The following ADGRV1 variants were observed in gnomAD, a reference collection of about 807,000 sequenced individuals.
The protein encoded by ADGRV1 is G-protein coupled receptor 98.
Under a neutral mutation model 596.2 loss-of-function variants are expected in ADGRV1, and 359 were observed. That is an observed-to-expected ratio of 0.60 (90% CI 0.55 to 0.66). The LOEUF is 0.66. ADGRV1 is among the 30% of genes least tolerant of loss of function. The pLI is 0.00. For missense variants in ADGRV1, 7,274 were observed against 7,575.6 expected (o/e 0.96, Z 1.48); for synonymous variants, 2,681 against 2,679.2 (o/e 1.00, Z -0.02).
chr5:91,126,970 G>A (rs911497446), intron 87 of ADGRV1, among the ~76,000 whole-genome samples: 2 of 152,152 alleles, frequency 1.3e-5, no homozygotes, highest in African/African-American at 4.8e-5. Flanking sequence ...AGAACAGCCA[G>A]GTGTCTGTTC....
At chr5:91,086,383 T>A (rs193176790) in intron 86 of ADGRV1, among the ~76,000 whole-genome samples, 64 of 152,318 alleles carry the variant, frequency 4.2e-4, no homozygotes, top group African/African-American at 1.4e-3. Context: ...TGCTCTGATC[T>A]CAGTGTTATT....
Position 91,163,946 on chromosome 5 carries a change from G to C in ADGRV1, c.*46G>C. On this transcript the variant is annotated 3_prime_UTR_variant, in exon 90 of 90. Transcript: ENST00000405460. ...TGAGCACACTTTCATATTTGTATCA[G>C]CTTTTGTGCTAAAACTCTCTAAGTA... is the stretch of plus-strand genomic sequence containing the variant. 1.1e-6 allele frequency: 1 copy of C among 910,400 alleles called. No homozygotes were observed. The highest frequency in any genetic ancestry group is 1.8e-6 in the Non-Finnish European group (1 of 557,982). The allele number at this position is 910,400 out of a possible 1,614,324, so 56.4% of individuals were successfully genotyped here.
intron 85 of ADGRV1, among the ~76,000 whole-genome samples, chr5:91,041,079 C>A (rs1785301527): frequency 6.6e-6 from 1 of 152,160 alleles, no homozygotes; most frequent in African/African-American, 2.4e-5. Flanking sequence ...GACAGTGTGG[C>A]AATTCCTCAA....
intron 1 of ADGRV1, among the ~76,000 whole-genome samples, chr5:90,575,208 T>C (rs1757043546): frequency 6.6e-6 from 1 of 152,112 alleles, no homozygotes; most frequent in African/African-American, 2.4e-5. Flanking sequence ...TTTCTAACTT[T>C]TTTTTTACTT....
intron 34 of ADGRV1, among the ~76,000 whole-genome samples, chr5:90,703,318 T>C (rs1353909454): frequency 1.3e-5 from 2 of 152,126 alleles, no homozygotes; most frequent in Non-Finnish European, 1.5e-5. Flanking sequence ...AATTTACTTG[T>C]GTTACTATCA....
At chr5:91,101,803 ACG>A (rs1791403877) in intron 86 of ADGRV1, among the ~76,000 whole-genome samples, 1 of 151,772 alleles carries the variant, frequency 6.6e-6, no homozygotes, top group Non-Finnish European at 1.5e-5. Flanking sequence ...ACACACACAC[ACG>A]CACACACGCA....
At chr5:90,843,449 T>C (rs1765605442) in intron 78 of ADGRV1, among the ~76,000 whole-genome samples, 1 of 152,124 alleles carries the variant, frequency 6.6e-6, no homozygotes, top group African/African-American at 2.4e-5. Context: ...GGATGGCTGA[T>C]GTAACCATTT....
chr5:90,961,513 GGT>G lies in ADGRV1; in HGVS notation c.17857-3900_17857-3899del, dbSNP rs1453081319. The stretch of plus-strand genomic sequence containing the variant: ...AAAAAAAAAAAAAAAAAAAAGGGGG[GGT>G]GGCGGTCATTTCAAGAATAATTTTA... On this transcript the variant is annotated intron_variant, in intron 83 of 89. Transcript: ENST00000405460. Among the ~76,000 whole-genome samples, 1,311 of 144,864 alleles carry G rather than the reference GGT, an allele frequency of 9.0e-3. 81 individuals are homozygous for G. The highest frequency in any genetic ancestry group is 0.032 in the African/African-American group (1,211 of 38,284).
Position 90,694,054 on chromosome 5 carries a change from G to A in ADGRV1, c.7298G>A (p.Gly2433Glu), listed in dbSNP as rs1201940426. 6.2e-7 allele frequency: 1 copy of A among 1,613,768 alleles called. No individual in the cohort carries two copies. The highest frequency in any genetic ancestry group is 8.5e-7 in the Non-Finnish European group (1 of 1,179,820). Residue 2433 changes from glycine to glutamate, a missense_variant, in exon 33 of 90, where the codon GGG becomes GAG. Transcript: ENST00000405460. ...ACTTGGATGAATGTCTCTGCCGTGGGGGAGCCCCTGTATACCTGTGCCACT... is the reference window on the plus strand; with the variant it reads ...ACTTGGATGAATGTCTCTGCCGTGGAGGAGCCCCTGTATACCTGTGCCACT... ...WRTWMNVSAV[G>E]EPLYTCATLC... is the part of the protein sequence containing the mutation.
At chr5:90,946,555 A>G (rs1179332879) in intron 83 of ADGRV1, among the ~76,000 whole-genome samples, 1 of 152,046 alleles carries the variant, frequency 6.6e-6, no homozygotes, top group African/African-American at 2.4e-5. Context: ...TTATCAACCC[A>G]TCATCTAGGT....
chr5:90,943,035 G>A (rs1776287217), intron 83 of ADGRV1, among the ~76,000 whole-genome samples: 1 of 152,150 alleles, frequency 6.6e-6, no homozygotes, highest in South Asian at 2.1e-4. Flanking sequence ...AGCAAGATTT[G>A]ATGACTGACT....
At chr5:91,024,058 C>T (rs1005575852) in intron 85 of ADGRV1, among the ~76,000 whole-genome samples, 81 of 152,240 alleles carry the variant, frequency 5.3e-4, no homozygotes, top group African/African-American at 1.9e-3. Flanking sequence ...CCTAGGGCCT[C>T]GGGGCCAAGC....
At chr5:90,851,134 T>TGTGAGAGA (rs757909771) in intron 79 of ADGRV1, among the ~76,000 whole-genome samples, 34 of 81,510 alleles carry the variant, frequency 4.2e-4, no homozygotes, top group Admixed American at 5.6e-4. Context: ...TGTGTGTGTG[T>TGTGAGAGA]GAGAGAGAGA....
intron 59 of ADGRV1, among the ~76,000 whole-genome samples, chr5:90,773,742 A>C (rs1307465053): frequency 6.6e-6 from 1 of 152,152 alleles, no homozygotes; most frequent in Non-Finnish European, 1.5e-5. Flanking sequence ...AAAATATACC[A>C]TGAATTGGAT....
intron 85 of ADGRV1, among the ~76,000 whole-genome samples, chr5:91,070,821 T>C (rs1359435329): frequency 6.6e-6 from 1 of 152,184 alleles, no homozygotes; most frequent in Non-Finnish European, 1.5e-5. Flanking sequence ...AAAAATTATC[T>C]TCATTTTCAA....
rs554214842 is a variant in ADGRV1, at chr5:91,043,372, G to C, written c.18153-29075G>C. ...AAACCTAATATTCTTATATCTTGAT[G>C]GTGATACTCTTCGGGGCTCTAGAGG... On this transcript the variant is annotated intron_variant, in intron 85 of 89. Coordinates refer to ENST00000405460, the MANE Select transcript of ADGRV1 (RefSeq NM_032119.4). 7.9e-5 allele frequency among the ~76,000 whole-genome samples: 12 copies of C among 152,216 alleles called. No individual in the cohort carries two copies. In the South Asian group the frequency reaches 2.5e-3, roughly 32 times the overall value.
chr5:90,877,528 C>T lies in ADGRV1; in HGVS notation c.17856+13671C>T, dbSNP rs1203697241. 2.7e-5 allele frequency among the ~76,000 whole-genome samples: 4 copies of T among 150,178 alleles called. No individual in the cohort carries two copies. In the East Asian group the frequency reaches 5.9e-4, roughly 22 times the overall value. On this transcript the variant is annotated intron_variant, in intron 83 of 89. Transcript: ENST00000405460. ...TGAAGTATCTAGTTCTGTACTACTG[C>T]GTATGGAGAAATGGAAAGTTTCTGT...
intron 34 of ADGRV1, among the ~76,000 whole-genome samples, chr5:90,698,842 A>T (rs1241749583): frequency 6.6e-6 from 1 of 152,052 alleles, no homozygotes; most frequent in African/African-American, 2.4e-5. Context: ...CCAGGGAGAG[A>T]GTGTGTTTTC....
chr5:90,845,231 G>A (rs1023191397), intron 78 of ADGRV1, among the ~76,000 whole-genome samples: 2 of 152,120 alleles, frequency 1.3e-5, no homozygotes, highest in Non-Finnish European at 2.9e-5. Flanking sequence ...AAAAGAACAA[G>A]TTAGTCATCC....
Sources: gnomAD v4.1 joint callset for allele counts (sites outside exome capture counted in the v4.1 genomes callset) on GRCh38, gnomAD v4.1.1 for gene constraint, MANE v1.5 for transcripts, NCBI Gene and HGNC (gene_info 2026-07-23, HGNC 2026-07-21) for gene names.